The following PRMT2 variants were observed in gnomAD, a reference collection of about 807,000 sequenced individuals.
PRMT2 encodes protein arginine N-methyltransferase 2.
Under a neutral mutation model 57.6 loss-of-function variants are expected in PRMT2, and 26 were observed. The observed-to-expected ratio is 0.45, with a 90% CI of 0.33 to 0.63. PRMT2 has a LOEUF of 0.63. Among genes scored for constraint, PRMT2 ranks in the 20% least tolerant of loss-of-function variants. PRMT2 has a pLI of 0.02. For synonymous variants in PRMT2, 219 were observed against 220.0 expected (o/e 1.00, Z 0.04); for missense variants, 472 against 564.4 (o/e 0.84, Z 1.66).
At chr21:46,640,615 G>A (rs896108584) in intron 3 of PRMT2, among the ~76,000 whole-genome samples, 1 of 151,390 alleles carries the variant, frequency 6.6e-6, no homozygotes, top group African/African-American at 2.4e-5. Context: ...CTAATTTTTT[G>A]TATTTTTAGT....
chr21:46,655,460 A>C (rs1320691254), intron 7 of PRMT2, among the ~76,000 whole-genome samples: 2 of 152,216 alleles, frequency 1.3e-5, no homozygotes, highest in Non-Finnish European at 2.9e-5. Context: ...AAGAAAAATC[A>C]TGATTATATC....
intron 7 of PRMT2, chr21:46,654,934 A>G: frequency 1.0e-6 from 1 of 983,516 alleles, no homozygotes; most frequent in Non-Finnish European, 1.2e-6. Flanking sequence ...CATAGAGTGT[A>G]CATACATAGA....
intron 3 of PRMT2, 138 bp from the exon 4 acceptor site, chr21:46,643,397 G>A: frequency 7.8e-7 from 1 of 1,275,314 alleles, no homozygotes; most frequent in Non-Finnish European, 9.9e-7. Context: ...TAGTAAAGAT[G>A]ATCCAAATAG....
chr21:46,650,418 T>A (rs1250688839), intron 7 of PRMT2, among the ~76,000 whole-genome samples: 1 of 152,198 alleles, frequency 6.6e-6, no homozygotes, highest in Non-Finnish European at 1.5e-5. Context: ...GGAGTATGGC[T>A]GCTGCTTTCC....
rs749915215 is a variant in PRMT2 at position 46,649,310 on chromosome 21, G to A, written c.490-265G>A. 9.2e-5 allele frequency among the ~76,000 whole-genome samples: 14 copies of A among 152,220 alleles called. No individual in the cohort carries two copies. Among genetic ancestry groups the A allele is most frequent in the Non-Finnish European group, 1.5e-4 (10 of 68,038 alleles). ...TTGCTGTGCGTGTGGCAGCCGGCTC[G>A]GGCATGCGAGTCTTCCATCCACTTG... On this transcript the variant is annotated intron_variant, in intron 6 of 11. Transcript: ENST00000355680. The surrounding 1 kb of genome is among the most constrained non-coding windows in gnomAD (Gnocchi z 4.8).
intron 11 of PRMT2, 114 bp from the exon 12 acceptor site, chr21:46,664,181 A>G (rs1020030179): frequency 1.1e-5 from 9 of 849,730 alleles, no homozygotes; most frequent in Non-Finnish European, 1.7e-5. Flanking sequence ...GTCATTTAAA[A>G]AAATTCTGCA....
chr21:46,644,076 CCTT>C (rs1404194442), intron 4 of PRMT2, among the ~76,000 whole-genome samples: 4 of 152,154 alleles, frequency 2.6e-5, no homozygotes, highest in East Asian at 1.9e-4. Context: ...AATGTTTACT[CCTT>C]CTTTTAAAAA....
chr21:46,662,237 A>G (rs1293160005), intron 10 of PRMT2, among the ~76,000 whole-genome samples: 4 of 152,096 alleles, frequency 2.6e-5, no homozygotes, highest in African/African-American at 9.7e-5. Context: ...GGAGCACCAC[A>G]GCTCTTCATG....
chr21:46,648,880 G>A lies in PRMT2; in HGVS notation c.489+261G>A, dbSNP rs1339452305. Among the ~76,000 whole-genome samples, 2 of 152,222 alleles carry A rather than the reference G, an allele frequency of 1.3e-5. No individual in the cohort carries two copies. Among genetic ancestry groups the A allele is most frequent in the African/African-American group, 2.4e-5 (1 of 41,446 alleles). On this transcript the variant is annotated intron_variant, in intron 6 of 11. Transcript: ENST00000355680. This position sits in a 1 kb window ranked among gnomAD's most constrained non-coding sequence, Gnocchi z 4.8. ...AGTAGGGCAGAATAGACAATATCCC[G>A]TGAATTGCGTGGGGCGGGGTATGTT...
chr21:46,644,641 C>T (rs1229644662), intron 5 of PRMT2, among the ~76,000 whole-genome samples, 153 bp downstream of exon 5: 3 of 152,186 alleles, frequency 2.0e-5, no homozygotes, highest in Non-Finnish European at 4.4e-5. Context: ...GTGGAAGCCA[C>T]TGTGGATGAC....
chr21:46,646,478 C>T (rs1223792300), intron 5 of PRMT2, among the ~76,000 whole-genome samples: 2 of 152,184 alleles, frequency 1.3e-5, no homozygotes, highest in African/African-American at 2.4e-5. Context: ...AGGCATTGTT[C>T]CACCACTCAG....
At chr21:46,651,815 C>A (rs188159192) in intron 7 of PRMT2, 1 of 1,613,032 alleles carries the variant, frequency 6.2e-7, no homozygotes, top group East Asian at 2.2e-5. Flanking sequence ...GGCTGCGCCT[C>A]TCCTGAGCTG....
intron 3 of PRMT2, 121 bp downstream of exon 3, chr21:46,637,111 A>C: frequency 3.2e-6 from 3 of 924,936 alleles, no homozygotes. Flanking sequence ...GGCCACCGGC[A>C]GTAGAATGCT....
intron 11 of PRMT2, 103 bp from the exon 12 acceptor site, chr21:46,664,192 C>T (rs2061670364): frequency 2.0e-6 from 2 of 1,015,370 alleles, no homozygotes; most frequent in South Asian, 2.7e-5. Flanking sequence ...AAATTCTGCA[C>T]CTGAATACTG....
rs2061659628 is a variant in PRMT2 at position 46,663,370 on chromosome 21, C to G, written c.1098-13C>G. The G allele has an allele frequency of 3.1e-6, 5 of 1,605,360 alleles. No individual in the cohort carries two copies. Among genetic ancestry groups the G allele is most frequent in the Non-Finnish European group, 4.3e-6 (5 of 1,173,566 alleles). The stretch of plus-strand genomic sequence containing the variant: ...AGCTCAGCCTCCAGGTCACACGCAC[C>G]CCTGTCTTGCAGCACCACACACTGG... On this transcript the variant is annotated splice_polypyrimidine_tract_variant and intron_variant, in intron 10 of 11. Transcript: ENST00000355680.
rs150285795 is a variant in PRMT2 at position 46,640,364 on chromosome 21, C to A, written c.40-3171C>A. Among the ~76,000 whole-genome samples, 1,505 of 151,608 alleles carry A rather than the reference C, an allele frequency of 9.9e-3. 11 individuals carry two copies. Among genetic ancestry groups the A allele is most frequent in the South Asian group, 0.017 (80 of 4,808 alleles). Reference sequence around the variant, plus strand: ...GTTTTCATGTAGGATCATTTCCCTTCAACCTGACAACTTTATGTTTATATT... The same window carrying A: ...GTTTTCATGTAGGATCATTTCCCTTAAACCTGACAACTTTATGTTTATATT... On this transcript the variant is annotated intron_variant, in intron 3 of 11. Transcript: ENST00000355680.
intron 4 of PRMT2, 74 bp downstream of exon 4, chr21:46,643,713 C>T (rs774654094): frequency 4.3e-5 from 64 of 1,491,876 alleles, no homozygotes; most frequent in Non-Finnish European, 5.2e-5. Context: ...ATTTTGCAGA[C>T]GTCACACCAA....
chr21:46,648,764 G>A lies in PRMT2; in HGVS notation c.489+145G>A. 1 of 1,074,032 alleles carries A rather than the reference G, an allele frequency of 9.3e-7. No homozygotes were observed. Among genetic ancestry groups the A allele is most frequent in the East Asian group, 2.4e-5 (1 of 40,922 alleles). 66.5% of individuals were successfully genotyped at this position (1,074,032 alleles called of 1,614,324 possible). A position where few individuals can be genotyped will look rare whatever the true frequency, so the allele number is the denominator to read the frequency against. On this transcript the variant is annotated intron_variant, in intron 6 of 11. Coordinates refer to ENST00000355680, the MANE Select transcript of PRMT2 (RefSeq NM_206962.4). This position sits in a 1 kb window ranked among gnomAD's most constrained non-coding sequence, Gnocchi z 4.8. ...GTCTTGTTGAGCACCCTGCACGTGG[G>A]GCTCAGGGTCGGTAAAATAGCAGTG...
intron 7 of PRMT2, among the ~76,000 whole-genome samples, chr21:46,655,960 A>G (rs1016823481): frequency 3.3e-5 from 5 of 152,210 alleles, no homozygotes; most frequent in African/African-American, 1.2e-4. Flanking sequence ...TATGGAATGT[A>G]AAGGAACTAG....
Sources: allele counts gnomAD v4.1 joint callset (sites outside exome capture counted in the v4.1 genomes callset), GRCh38; gene constraint gnomAD v4.1.1; non-coding constraint Gnocchi (gnomAD v3.1); transcripts MANE v1.5; gene names NCBI Gene and HGNC (gene_info 2026-07-23, HGNC 2026-07-21).